The following ZNF17 variants were observed in gnomAD, a reference collection of about 807,000 sequenced individuals.
ZNF17 encodes zinc finger protein 17, also known as zinc finger protein 17 (HPF3, KOX 10).
ZNF17 carries 4 observed loss-of-function variants against 7.7 expected under a neutral mutation model. The observed-to-expected ratio is 0.52, with a 90% CI of 0.26 to 1.20. The LOEUF (loss-of-function observed/expected upper bound fraction) is 1.20, where lower values mean the gene tolerates loss of function less well. ZNF17 is among the 50% of genes most tolerant of loss of function. The pLI is 0.14. For missense variants in ZNF17, 738 were observed against 799.5 expected, an observed-to-expected ratio of 0.92 and a Z score of 0.93; for synonymous variants, 249 against 258.8, an observed-to-expected ratio of 0.96 and a Z score of 0.36.
At chr19:57,419,513 A>T in intron 3 of ZNF17, 122 bp from the exon 4 acceptor site, 1 of 1,089,528 alleles carries the variant, frequency 9.2e-7, no homozygotes, top group Non-Finnish European at 1.3e-6. Flanking sequence ...CACTGGCTTT[A>T]ATGTCCCATG....
Position 57,421,513 on chromosome 19 carries a change from CTT to C in ZNF17, c.*33_*34del. The C allele has an allele frequency of 6.5e-7, 1 of 1,544,312 alleles. No individual in the cohort carries two copies. Among genetic ancestry groups the C allele is most frequent in the South Asian group, 1.3e-5 (1 of 78,782 alleles). The stretch of plus-strand genomic sequence containing the variant: ...TATATATAAAGCAGATGGGGAAAGA[CTT>C]CACACAGAAATCTACTCTGATTTAG... On this transcript the variant is annotated 3_prime_UTR_variant, in exon 4 of 4. Transcript: ENST00000307658.
chr19:57,415,471 G>A (rs149167493), intron 2 of ZNF17, among the ~76,000 whole-genome samples: 1 of 152,296 alleles, frequency 6.6e-6, no homozygotes, highest in Non-Finnish European at 1.5e-5. Flanking sequence ...TCAGGATGGA[G>A]ACATCTACTA....
intron 2 of ZNF17, among the ~76,000 whole-genome samples, chr19:57,414,929 C>G (rs139339832): frequency 0.014 from 2,199 of 151,940 alleles, 28 homozygotes; most frequent in Middle Eastern, 0.041. Flanking sequence ...TTAGGATGGT[C>G]TCGATCTCCT....
At chr19:57,414,540 G>A (rs1234845611) in intron 2 of ZNF17, among the ~76,000 whole-genome samples, 1 of 151,250 alleles carries the variant, frequency 6.6e-6, no homozygotes, top group Non-Finnish European at 1.5e-5. Context: ...TCACCATGTT[G>A]GCCAGGCTGG....
rs768797019 is a variant in ZNF17 at position 57,420,028 on chromosome 19, G to T, written c.542G>T (p.Gly181Val). ...TGGAAGCCACACAGGGACACTCATG[G>T]TGTGGAGGCCTTTCAAAGTGGACAG... ...SGWKPHRDTHGVEAFQSGQNN... is the reference protein window; with the variant it reads ...SGWKPHRDTHVVEAFQSGQNN... Residue 181 changes from glycine to valine, a missense_variant, in exon 4 of 4, where the codon GGT (glycine) becomes GTT (valine). This residue lies in a region of ZNF17 where 616 missense variants were observed against 663.9 expected (regional missense o/e 0.93). Coordinates refer to ENST00000307658, the MANE Select transcript of ZNF17 (RefSeq NM_001330617.2). The T allele has an allele frequency of 7.4e-6, 12 of 1,614,110 alleles. No homozygotes were observed. Among genetic ancestry groups the T allele is most frequent in the South Asian group, 2.2e-5 (2 of 91,090 alleles).
At chr19:57,415,440 A>G (rs2088805856) in intron 2 of ZNF17, among the ~76,000 whole-genome samples, 1 of 152,140 alleles carries the variant, frequency 6.6e-6, no homozygotes, top group Non-Finnish European at 1.5e-5. Flanking sequence ...AACACACAGG[A>G]ATGGAGTTCA....
intron 2 of ZNF17, 62 bp downstream of exon 2, chr19:57,413,698 G>T: frequency 1.3e-6 from 2 of 1,521,216 alleles, no homozygotes; most frequent in Admixed American, 2.0e-5. Flanking sequence ...CTGATATAGG[G>T]AATGGTGTTA....
Position 57,420,207 on chromosome 19 carries a change from AATC to A in ZNF17, c.724_726del (p.His242del). ...CTCCGACCTTATTAAACATCAGCGA[AATC>A]ATACTGGAGAAAGGCCTTATAAGTG... On this transcript the variant is annotated inframe_deletion, in exon 4 of 4. Transcript: ENST00000307658. The A allele has an allele frequency of 6.2e-7, 1 of 1,613,212 alleles. No homozygotes were observed.
chr19:57,411,539 G>T (rs2088776578), intron 1 of ZNF17, 133 bp downstream of exon 1: 1 of 1,454,012 alleles, frequency 6.9e-7, no homozygotes, highest in Middle Eastern at 1.8e-4. Context: ...GGTGTCCGCG[G>T]TGCTGTGAGG....
At position 57,419,832 on chromosome 19, in the gene ZNF17, TA is replaced by T; in HGVS notation, c.347del (p.Tyr116SerfsTer23). 6.2e-7 allele frequency: 1 copy of T among 1,614,202 alleles called. No individual in the cohort carries two copies. The highest frequency in any genetic ancestry group is 8.5e-7 in the Non-Finnish European group (1 of 1,180,042). On this transcript the variant is annotated frameshift_variant, in exon 4 of 4. Coordinates refer to ENST00000307658, the MANE Select transcript of ZNF17 (RefSeq NM_001330617.2). LOFTEE classifies it low-confidence loss of function (END_TRUNC). ...ACACCCCAAGCGTACAGCCAAGCTT[TA>T]CCTGCACCAAAAGGAGCATCTTAGA... ...GTHPKRTAKL[Y>X]LHQKEHLREK...
chr19:57,419,947 G>T lies in ZNF17; in HGVS notation c.461G>T (p.Gly154Val). 1 of 1,614,226 alleles carries T rather than the reference G, an allele frequency of 6.2e-7. No homozygotes were observed. The highest frequency in any genetic ancestry group is 8.5e-7 in the Non-Finnish European group (1 of 1,180,032). Residue 154 changes from glycine to valine, a missense_variant, in exon 4 of 4, where the codon GGT (glycine) becomes GTT (valine). Around this residue, in one of 3 missense-constraint regions of ZNF17, gnomAD observed 616 missense variants for 663.9 expected, o/e 0.93. Transcript: ENST00000307658. ...AAGAGGAACCTCACATGCATGCAGG[G>T]TGGCAAGGATTTTACTGGTGATTCA... ...LAKRNLTCMQ[G>V]GKDFTGDSDL...
intron 1 of ZNF17, chr19:57,411,756 C>G (rs1416006348): frequency 2.0e-6 from 2 of 1,015,568 alleles, no homozygotes; most frequent in East Asian, 1.0e-4. Context: ...TTGGGAAAAA[C>G]AGGATGTTAA....
chr19:57,415,275 T>C (rs891713908), intron 2 of ZNF17, among the ~76,000 whole-genome samples: 2 of 152,110 alleles, frequency 1.3e-5, no homozygotes, highest in African/African-American at 4.8e-5. Context: ...AATGGCCCCA[T>C]TGTTTTGGCC....
At position 57,419,835 on chromosome 19, in the gene ZNF17, C is replaced by A. The variant is rs750283102; in HGVS notation, c.349C>A (p.Leu117Met). 6.2e-7 allele frequency: 1 copy of A among 1,614,194 alleles called. No individual in the cohort carries two copies. Among genetic ancestry groups the A allele is most frequent in the Non-Finnish European group, 8.5e-7 (1 of 1,180,026 alleles). Reference sequence around the variant, plus strand: ...CCCCAAGCGTACAGCCAAGCTTTACCTGCACCAAAAGGAGCATCTTAGAGA... The same window carrying A: ...CCCCAAGCGTACAGCCAAGCTTTACATGCACCAAAAGGAGCATCTTAGAGA... The part of the protein sequence containing the change: ...THPKRTAKLY[L>M]HQKEHLREKL... The change falls in exon 4 of 4, where the codon CTG becomes ATG. Residue 117 changes from leucine to methionine, a missense_variant. Leu to Met is a conservative substitution (Grantham distance 15). Around this residue, in one of 3 missense-constraint regions of ZNF17, gnomAD observed 616 missense variants for 663.9 expected, o/e 0.93. Transcript: ENST00000307658.
At chr19:57,412,026 A>C (rs1363748712) in intron 1 of ZNF17, among the ~76,000 whole-genome samples, 1 of 151,344 alleles carries the variant, frequency 6.6e-6, no homozygotes, top group Non-Finnish European at 1.5e-5. Context: ...TATGAGTTGC[A>C]TTTTGGAGGG....
At chr19:57,416,537 G>A (rs1313774739) in intron 2 of ZNF17, among the ~76,000 whole-genome samples, 1 of 151,624 alleles carries the variant, frequency 6.6e-6, no homozygotes, top group African/African-American at 2.4e-5. Context: ...TTGAGATGGA[G>A]TCTAGCTCTG....
chr19:57,412,039 GA>G (rs2088780538), intron 1 of ZNF17, among the ~76,000 whole-genome samples: 1 of 147,100 alleles, frequency 6.8e-6, no homozygotes, highest in East Asian at 1.9e-4. Context: ...TTGGAGGGCT[GA>G]GTTTTGGAGG....
intron 2 of ZNF17, 103 bp from the exon 3 acceptor site, chr19:57,417,809 T>C (rs2088820649): frequency 7.1e-7 from 1 of 1,410,942 alleles, no homozygotes; most frequent in Non-Finnish European, 9.6e-7. Flanking sequence ...ATCACACCAC[T>C]GCACTCCAGC....
Position 57,421,070 on chromosome 19 carries a change from T to C in ZNF17, c.1584T>C (p.Tyr528=). 4 of 1,614,220 alleles carry C rather than the reference T, an allele frequency of 2.5e-6. No individual in the cohort carries two copies. The highest frequency in any genetic ancestry group is 1.1e-5 in the South Asian group (1 of 91,090). The part of the protein sequence containing the change: ...HQRIHTGERP[Y]ECSECGKFFR... Reference sequence around the variant, plus strand: ...GAATTCACACTGGTGAAAGGCCTTATGAGTGTAGTGAATGTGGGAAATTCT... The same window carrying C: ...GAATTCACACTGGTGAAAGGCCTTACGAGTGTAGTGAATGTGGGAAATTCT... The change falls in exon 4 of 4, where the codon TAT becomes TAC. Residue 528 remains tyrosine, a synonymous_variant. Coordinates refer to ENST00000307658, the MANE Select transcript of ZNF17 (RefSeq NM_001330617.2).
Sources: gnomAD v4.1 joint callset for allele counts (sites outside exome capture counted in the v4.1 genomes callset) on GRCh38, gnomAD v4.1.1 for gene constraint, gnomAD v4.1.1 regional missense constraint, MANE v1.5 for transcripts, NCBI Gene and HGNC (gene_info 2026-07-23, HGNC 2026-07-21) for gene names.